Variants in DNAJC18 observed in about 807,000 individuals in gnomAD.
DNAJC18 encodes dnaJ homolog subfamily C member 18.
In DNAJC18, 40 loss-of-function variants were observed where a neutral mutation model predicts 48.6. The observed-to-expected ratio is 0.82, with a 90% confidence interval of 0.64 to 1.07. The LOEUF is 1.07. DNAJC18 is among the 50% of genes least tolerant of loss of function. The probability of loss-of-function intolerance (pLI) is 0.00; values close to 1 mark genes in which losing one functional copy is unlikely to be tolerated. For synonymous variants in DNAJC18, 135 were observed against 152.2 expected, an observed-to-expected ratio of 0.89 and a Z score of 0.83; for missense variants, 340 against 427.7, an observed-to-expected ratio of 0.79 and a Z score of 1.81.
At chr5:139,420,537 C>T (rs185150270) in intron 6 of DNAJC18, among the ~76,000 whole-genome samples, 16 of 147,534 alleles carry the variant, frequency 1.1e-4, no homozygotes, top group African/African-American at 3.8e-4. Flanking sequence ...ACAATTTTTA[C>T]GTTGTGTAGG....
At chr5:139,437,861 T>C (rs1750705546) in intron 1 of DNAJC18, among the ~76,000 whole-genome samples, 1 of 152,142 alleles carries the variant, frequency 6.6e-6, no homozygotes, top group Non-Finnish European at 1.5e-5. Flanking sequence ...AGAACTAATA[T>C]ATACCAAGGA....
intron 3 of DNAJC18, among the ~76,000 whole-genome samples, chr5:139,428,315 T>C (rs1759274633): frequency 6.6e-6 from 1 of 151,970 alleles, no homozygotes; most frequent in Non-Finnish European, 1.5e-5. Context: ...GAGGATCACT[T>C]GAGCCCGGGA....
At position 139,428,684 on chromosome 5, in the gene DNAJC18, C is replaced by T. The variant is rs750748264; in HGVS notation, c.228-1G>A. 1.9e-6 allele frequency: 3 copies of T among 1,606,386 alleles called. No individual in the cohort carries two copies. Among genetic ancestry groups the T allele is most frequent in the Non-Finnish European group, 2.5e-6 (3 of 1,177,714 alleles). ...ATAGTAATTTCTGCATTTCTTGATC[C>T]TAAAAAAAATCACAAGCATGTATGT... On this transcript the variant is annotated splice_acceptor_variant, in intron 2 of 7. Coordinates refer to ENST00000302060, the MANE Select transcript of DNAJC18 (RefSeq NM_152686.4). LOFTEE classifies it high-confidence loss of function.
At chr5:139,426,448 C>T in intron 3 of DNAJC18, 91 bp from the exon 4 acceptor site, 1 of 1,478,852 alleles carries the variant, frequency 6.8e-7, no homozygotes, top group Non-Finnish European at 9.1e-7. Flanking sequence ...CTAGAGGTGA[C>T]TCGTGCTGGA....
intron 1 of DNAJC18, among the ~76,000 whole-genome samples, chr5:139,438,091 C>T (rs990611908): frequency 6.6e-6 from 1 of 152,046 alleles, no homozygotes; most frequent in Non-Finnish European, 1.5e-5. Context: ...CCAAGGCGGG[C>T]GGATCACGAG....
intron 5 of DNAJC18, among the ~76,000 whole-genome samples, chr5:139,424,691 G>C (rs1759206341): frequency 8.0e-6 from 1 of 125,540 alleles, no homozygotes; most frequent in Non-Finnish European, 1.6e-5. Flanking sequence ...TTGTACTCCG[G>C]CCTGAGTGAC....
Position 139,422,766 on chromosome 5 carries a change from T to C in DNAJC18, c.721A>G (p.Ile241Val). ...GCCAGCAGCTGAGTAATGACAGATATAATCACAATCACAAGAACTGGAAGT... is the reference window on the plus strand; with the variant it reads ...GCCAGCAGCTGAGTAATGACAGATACAATCACAATCACAAGAACTGGAAGT... ...QLLPVLVIVIISVITQLLATN... is the reference protein window; with the variant it reads ...QLLPVLVIVIVSVITQLLATN... The change falls in exon 6 of 8, where the codon ATA becomes GTA. Residue 241 changes from isoleucine to valine, a missense_variant. Coordinates refer to ENST00000302060, the MANE Select transcript of DNAJC18 (RefSeq NM_152686.4). 6.2e-7 allele frequency: 1 copy of C among 1,610,946 alleles called. No homozygotes were observed. Among genetic ancestry groups the C allele is most frequent in the Non-Finnish European group, 8.5e-7 (1 of 1,179,154 alleles).
intron 2 of DNAJC18, among the ~76,000 whole-genome samples, chr5:139,436,521 T>C (rs994429397): frequency 5.7e-5 from 8 of 141,086 alleles, no homozygotes; most frequent in Non-Finnish European, 1.1e-4. Flanking sequence ...CTTTCTTTTT[T>C]TTTTTTTTTT....
chr5:139,428,353 C>A (rs1759275230), intron 3 of DNAJC18, among the ~76,000 whole-genome samples, 185 bp downstream of exon 3: 1 of 152,122 alleles, frequency 6.6e-6, no homozygotes, highest in East Asian at 1.9e-4. Flanking sequence ...GCTGAGATGT[C>A]ACCACTGCAC....
intron 3 of DNAJC18, among the ~76,000 whole-genome samples, chr5:139,427,963 A>G (rs1419195848): frequency 6.6e-6 from 1 of 152,192 alleles, no homozygotes; most frequent in Non-Finnish European, 1.5e-5. Context: ...GCCTGTAACA[A>G]TGACTTGGAG....
chr5:139,419,571 T>C (rs1272064833), intron 7 of DNAJC18, among the ~76,000 whole-genome samples: 2 of 152,102 alleles, frequency 1.3e-5, no homozygotes, highest in Admixed American at 6.5e-5. Flanking sequence ...GAGTGTGGAA[T>C]TGGGAAACTG....
At chr5:139,438,768 A>G (rs1222808994) in intron 1 of DNAJC18, among the ~76,000 whole-genome samples, 1 of 152,124 alleles carries the variant, frequency 6.6e-6, no homozygotes, top group African/African-American at 2.4e-5. Flanking sequence ...GTACCTTGTA[A>G]GTGTGCTCTC....
intron 2 of DNAJC18, among the ~76,000 whole-genome samples, chr5:139,429,375 C>A (rs1006950657): frequency 1.4e-4 from 22 of 152,086 alleles, no homozygotes; most frequent in Admixed American, 1.3e-3. Flanking sequence ...AGCCACCGTG[C>A]CTGGCTAAAC....
At chr5:139,421,853 C>G (rs1280141113) in intron 6 of DNAJC18, among the ~76,000 whole-genome samples, 1 of 152,114 alleles carries the variant, frequency 6.6e-6, no homozygotes, top group African/African-American at 2.4e-5. Context: ...CTGGATTGAC[C>G]TGGAATGATG....
At chr5:139,435,872 A>AT (rs1750646351) in intron 2 of DNAJC18, among the ~76,000 whole-genome samples, 1 of 150,996 alleles carries the variant, frequency 6.6e-6, no homozygotes, top group Non-Finnish European at 1.5e-5. Flanking sequence ...TGCTCGGCTA[A>AT]TTTTTGTGGG....
intron 5 of DNAJC18, among the ~76,000 whole-genome samples, chr5:139,424,750 A>G (rs1205345737): frequency 7.8e-6 from 1 of 127,744 alleles, no homozygotes; most frequent in Non-Finnish European, 1.8e-5. Flanking sequence ...AAAAAAAAAA[A>G]GCCTTGATGA....
chr5:139,428,435 A>C (rs1759276233), intron 3 of DNAJC18, 103 bp downstream of exon 3: 5 of 1,454,830 alleles, frequency 3.4e-6, no homozygotes, highest in Non-Finnish European at 1.8e-6. Flanking sequence ...GGGGGAAAAA[A>C]CCCTCCTTAT....
Position 139,439,505 on chromosome 5 carries a change from G to T in DNAJC18, c.-60C>A. ...CCCGTGCCCGAGGCTGAAAGAGAAG[G>T]GGGCGCGGAGCGCGGGGCACGCTGG... is the stretch of plus-strand genomic sequence containing the variant. On this transcript the variant is annotated 5_prime_UTR_variant, in exon 1 of 8. Coordinates refer to ENST00000302060, the MANE Select transcript of DNAJC18 (RefSeq NM_152686.4). The surrounding 1 kb of genome is among the most constrained non-coding windows in gnomAD (Gnocchi z 4.1). 1 of 1,612,878 alleles carries T rather than the reference G, an allele frequency of 6.2e-7. No individual in the cohort carries two copies. The highest frequency in any genetic ancestry group is 1.1e-5 in the South Asian group (1 of 90,994).
At chr5:139,414,582 C>A (rs1759044394) in intron 7 of DNAJC18, among the ~76,000 whole-genome samples, 1 of 152,248 alleles carries the variant, frequency 6.6e-6, no homozygotes, top group Non-Finnish European at 1.5e-5. Flanking sequence ...TGAGACCACC[C>A]TATAGCCTCC....
Sources: allele counts gnomAD v4.1 joint callset (sites outside exome capture counted in the v4.1 genomes callset), GRCh38; gene constraint gnomAD v4.1.1; non-coding constraint Gnocchi (gnomAD v3.1); transcripts MANE v1.5; gene names NCBI Gene and HGNC (gene_info 2026-07-23, HGNC 2026-07-21).